The following GPM6B variants were observed in gnomAD, a reference collection of about 807,000 sequenced individuals.
GPM6B encodes neuronal membrane glycoprotein M6-b.
In GPM6B, 4 loss-of-function variants were observed where a neutral mutation model predicts 27.2. The observed-to-expected ratio is 0.15, with a 90% confidence interval of 0.07 to 0.34. The LOEUF is 0.34. Among genes scored for constraint, GPM6B ranks in the 10% least tolerant of loss-of-function variants. The probability of loss-of-function intolerance (pLI) is 1.00; values close to 1 mark genes in which losing one functional copy is unlikely to be tolerated. For missense variants in GPM6B, 183 were observed against 261.9 expected (o/e 0.70, Z 2.08); for synonymous variants, 124 against 103.1 (o/e 1.20, Z -1.23).
At chrX:13,937,724 T>A (rs1603157304) in intron 1 of GPM6B, among the ~76,000 whole-genome samples, 1 of 110,792 alleles carries the variant, frequency 9.0e-6, no homozygotes, top group South Asian at 3.9e-4. Context: ...CATTTCAGGG[T>A]GTTAGGAAGT....
intron 1 of GPM6B, among the ~76,000 whole-genome samples, chrX:13,828,969 CCA>C (rs1243135697): frequency 2.7e-5 from 3 of 111,373 alleles, no homozygotes; most frequent in Non-Finnish European, 5.7e-5. Context: ...CCACTGGATG[CCA>C]GAGTAGGGAA....
intron 1 of GPM6B, among the ~76,000 whole-genome samples, chrX:13,900,283 T>A (rs1408300218): frequency 1.8e-5 from 2 of 112,264 alleles, no homozygotes; most frequent in African/African-American, 6.5e-5. Context: ...AGCACCATTT[T>A]ACACACATTA....
intron 1 of GPM6B, among the ~76,000 whole-genome samples, chrX:13,909,120 CTTTTTTTTTT>C (rs368081524): frequency 1.4e-5 from 1 of 69,860 alleles, no homozygotes. Flanking sequence ...TGTTCATATC[CTTTTTTTTTT>C]TTTTTTTTTT....
intron 2 of GPM6B, among the ~76,000 whole-genome samples, chrX:13,796,343 A>G (rs1251957577): frequency 8.9e-6 from 1 of 112,410 alleles, no homozygotes; most frequent in Non-Finnish European, 1.9e-5. Context: ...TGCTGGGATT[A>G]CAGGCATGAG....
At chrX:13,921,476 G>C (rs1479601848) in intron 1 of GPM6B, among the ~76,000 whole-genome samples, 1 of 111,684 alleles carries the variant, frequency 9.0e-6, no homozygotes, top group African/African-American at 3.2e-5. Context: ...CTTTATTGAA[G>C]AGGAGATGTT....
At chrX:13,886,223 CAGAA>C (rs775771322) in intron 1 of GPM6B, among the ~76,000 whole-genome samples, 19 of 111,774 alleles carry the variant, frequency 1.7e-4, no homozygotes, top group Non-Finnish European at 3.2e-4. Flanking sequence ...GCTAATGAAT[CAGAA>C]AGCAAAATCT....
upstream of GPM6B, among the ~76,000 whole-genome samples, chrX:13,818,366 A>C (rs973153904): frequency 1.3e-4 from 14 of 111,678 alleles, no homozygotes; most frequent in Admixed American, 1.3e-3. Context: ...CACTCTCCTA[A>C]GTTTTGATGG....
At chrX:13,791,670 C>CA (rs1382262780) in intron 2 of GPM6B, among the ~76,000 whole-genome samples, 1 of 111,664 alleles carries the variant, frequency 9.0e-6, no homozygotes. Context: ...ATTTTGTCTC[C>CA]AGTATCCCTA....
intron 1 of GPM6B, among the ~76,000 whole-genome samples, chrX:13,865,045 T>G (rs905836411): frequency 8.9e-6 from 1 of 112,027 alleles, no homozygotes; most frequent in Non-Finnish European, 1.9e-5. Flanking sequence ...ATCTTATTGT[T>G]CTGTACTTAC....
At chrX:13,793,422 G>A (rs903770909) in intron 2 of GPM6B, among the ~76,000 whole-genome samples, 1 of 111,088 alleles carries the variant, frequency 9.0e-6, no homozygotes, top group Admixed American at 9.6e-5. Context: ...CATGTTATTA[G>A]GATCTCCCGA....
chrX:13,853,464 C>T (rs915810266), intron 1 of GPM6B, among the ~76,000 whole-genome samples: 2 of 108,596 alleles, frequency 1.8e-5, no homozygotes, highest in Admixed American at 9.9e-5. Flanking sequence ...ATTAGCCAGA[C>T]GTAGTGGTGC....
At chrX:13,792,501 G>A (rs1455254031) in intron 2 of GPM6B, among the ~76,000 whole-genome samples, 1 of 111,753 alleles carries the variant, frequency 8.9e-6, no homozygotes, top group African/African-American at 3.3e-5. Flanking sequence ...GGCATCTAGT[G>A]GGTAGAGGCC....
intron 2 of GPM6B, among the ~76,000 whole-genome samples, chrX:13,792,238 T>C (rs944596054): frequency 1.8e-5 from 2 of 111,426 alleles, no homozygotes; most frequent in Admixed American, 1.9e-4. Context: ...GAGAGGGTGC[T>C]TCTGGCATCT....
At chrX:13,801,748 A>C (rs2048924028) in intron 2 of GPM6B, among the ~76,000 whole-genome samples, 1 of 111,500 alleles carries the variant, frequency 9.0e-6, no homozygotes, top group Non-Finnish European at 1.9e-5. Flanking sequence ...AGACACAGGA[A>C]GTCTTGTTTC....
At chrX:13,846,980 C>T (rs73453272) in intron 1 of GPM6B, among the ~76,000 whole-genome samples, 2,320 of 109,854 alleles carry the variant, frequency 0.021, 58 homozygotes, top group African/African-American at 0.073. Context: ...GAAACTACTA[C>T]TAATGGACTA....
At chrX:13,890,618 C>G (rs1001501361) in intron 1 of GPM6B, among the ~76,000 whole-genome samples, 1 of 111,256 alleles carries the variant, frequency 9.0e-6, no homozygotes, top group African/African-American at 3.3e-5. Context: ...TCTGTCTCAG[C>G]ACCATCGATA....
intron 4 of GPM6B, among the ~76,000 whole-genome samples, chrX:13,782,922 G>T (rs2048544961): frequency 8.9e-6 from 1 of 111,882 alleles, no homozygotes; most frequent in Non-Finnish European, 1.9e-5. Context: ...ACCTCTAGTG[G>T]CTAGCAAAGC....
intron 7 of GPM6B, among the ~76,000 whole-genome samples, chrX:13,774,899 A>C (rs1052992607): frequency 8.9e-6 from 1 of 112,296 alleles, no homozygotes; most frequent in Non-Finnish European, 1.9e-5. Flanking sequence ...GGTCAACAGC[A>C]TGAGAAGGAT....
At chrX:13,919,760 G>A (rs969973783) in intron 1 of GPM6B, among the ~76,000 whole-genome samples, 4 of 111,311 alleles carry the variant, frequency 3.6e-5, no homozygotes, top group Admixed American at 1.9e-4. Context: ...ACCCAAACAG[G>A]AATACCATAC....
Sources: gnomAD v4.1 joint callset for allele counts (sites outside exome capture counted in the v4.1 genomes callset) on GRCh38, gnomAD v4.1.1 for gene constraint, MANE v1.5 for transcripts, NCBI Gene and HGNC (gene_info 2026-07-23, HGNC 2026-07-21) for gene names.